Variants in WDR20 observed in about 807,000 individuals in gnomAD.
The protein encoded by WDR20 is WD repeat domain 20.
WDR20 carries 3 observed loss-of-function variants against 38.7 expected under a neutral mutation model. The ratio of observed to expected loss-of-function variants is 0.08; its 90% CI spans 0.04 to 0.20. WDR20 has a LOEUF of 0.20. Ranked by LOEUF, WDR20 falls within the 10% of genes least tolerant of loss-of-function variation. The pLI is 1.00. For missense variants in WDR20, 559 were observed against 727.7 expected, an observed-to-expected ratio of 0.77 and a Z score of 2.67; for synonymous variants, 298 against 285.6, an observed-to-expected ratio of 1.04 and a Z score of -0.44.
chr14:102,195,138 T>C lies in WDR20; in HGVS notation c.432+18T>C. On this transcript the variant is annotated intron_variant, in intron 2 of 2. Transcript: ENST00000342702. ...ATGAGGAAGTAAGTAGCACCCTGTC[T>C]TAGCTGTTAAGAATCCCTTTAAGAG... 2 of 1,612,204 alleles carry C rather than the reference T, an allele frequency of 1.2e-6. No individual in the cohort carries two copies. The highest frequency in any genetic ancestry group is 1.7e-6 in the Non-Finnish European group (2 of 1,179,156).
At chr14:102,142,711 C>G (rs2051804915) in intron 1 of WDR20, among the ~76,000 whole-genome samples, 1 of 150,240 alleles carries the variant, frequency 6.7e-6, no homozygotes, top group Admixed American at 6.7e-5. Context: ...CCACCTCAGC[C>G]TGCTAAAGTG....
chr14:102,218,979 A>G (rs1194029641), downstream of WDR20, among the ~76,000 whole-genome samples: 2 of 152,190 alleles, frequency 1.3e-5, no homozygotes, highest in African/African-American at 2.4e-5. Context: ...AAAAGGAAGC[A>G]GAAGGACAGG....
At chr14:102,149,079 T>A (rs961229847) in intron 1 of WDR20, among the ~76,000 whole-genome samples, 13 of 152,286 alleles carry the variant, frequency 8.5e-5, no homozygotes, top group Non-Finnish European at 1.6e-4. Flanking sequence ...AGGAGAATAC[T>A]TGAACCCGGG....
chr14:102,156,698 C>T (rs2057472919), intron 1 of WDR20, among the ~76,000 whole-genome samples: 2 of 151,630 alleles, frequency 1.3e-5, no homozygotes, highest in Non-Finnish European at 2.9e-5. Flanking sequence ...TAGATTTATG[C>T]ATTTAAAAAC....
intron 1 of WDR20, among the ~76,000 whole-genome samples, chr14:102,173,638 CT>C (rs1451575930): frequency 6.6e-6 from 1 of 151,746 alleles, no homozygotes; most frequent in Non-Finnish European, 1.5e-5. Context: ...ACCCTTCCCC[CT>C]GCGTCCCCAA....
At position 102,184,869 on chromosome 14, in the gene WDR20, G is replaced by A. The variant is rs189106645; in HGVS notation, c.250-10069G>A. Among the ~76,000 whole-genome samples, 411 of 152,232 alleles carry A rather than the reference G, an allele frequency of 2.7e-3. 1 individual carries two copies. The highest frequency in any genetic ancestry group is 5.0e-3 in the Non-Finnish European group (337 of 68,032). On this transcript the variant is annotated intron_variant, in intron 1 of 2. Transcript: ENST00000342702. ...AAACGCAGCCCCTTGAACGTGGTTG[G>A]CCGGGGCTCATTCCAGGTCAGAGCC...
chr14:102,161,178 TCTCA>T (rs1354086121), intron 1 of WDR20, among the ~76,000 whole-genome samples: 2 of 110,238 alleles, frequency 1.8e-5, no homozygotes, highest in Non-Finnish European at 1.8e-5. Context: ...TGAGGCAGAG[TCTCA>T]CTCAGTCGCC....
At chr14:102,151,218 T>C (rs114373062) in intron 1 of WDR20, among the ~76,000 whole-genome samples, 2,203 of 146,666 alleles carry the variant, frequency 0.015, 24 homozygotes, top group African/African-American at 0.032. Context: ...GAGATTGTAG[T>C]GTGTCCACGG....
chr14:102,186,717 C>T (rs1208083352), intron 1 of WDR20, among the ~76,000 whole-genome samples: 1 of 151,864 alleles, frequency 6.6e-6, no homozygotes, highest in African/African-American at 2.4e-5. Context: ...TTTGGGAGGC[C>T]GAGGCAGGCG....
chr14:102,185,484 C>T (rs1308316852), intron 1 of WDR20, among the ~76,000 whole-genome samples: 3 of 152,038 alleles, frequency 2.0e-5, no homozygotes, highest in African/African-American at 2.4e-5. Context: ...CAGCAGTAGA[C>T]GGCGGTGCAG....
intron 1 of WDR20, among the ~76,000 whole-genome samples, chr14:102,189,339 CA>C (rs1566973123): frequency 1.3e-5 from 2 of 152,154 alleles, no homozygotes; most frequent in South Asian, 4.1e-4. Context: ...TTAAAACTAT[CA>C]CTTAAAATTT....
intron 1 of WDR20, among the ~76,000 whole-genome samples, chr14:102,192,586 A>G (rs1379745679): frequency 1.3e-5 from 2 of 152,202 alleles, no homozygotes; most frequent in Non-Finnish European, 2.9e-5. Flanking sequence ...AAATATACCA[A>G]TAACTGAAGC....
exon 4 of WDR20, chr14:102,223,606 T>A (rs556604987): frequency 2.0e-5 from 3 of 152,778 alleles, no homozygotes; most frequent in Admixed American, 1.3e-4. Context: ...ACTTCACTAG[T>A]AATTTTCATC....
chr14:102,189,103 G>T (rs1369059940), intron 1 of WDR20, among the ~76,000 whole-genome samples: 1 of 151,900 alleles, frequency 6.6e-6, no homozygotes, highest in Non-Finnish European at 1.5e-5. Context: ...CCAGCTACTC[G>T]GGGGGCTGAG....
At chr14:102,192,559 G>A (rs1353047747) in intron 1 of WDR20, among the ~76,000 whole-genome samples, 1 of 152,122 alleles carries the variant, frequency 6.6e-6, no homozygotes, top group South Asian at 2.1e-4. Flanking sequence ...GTTCCATATT[G>A]GGAGGCAGGG....
At chr14:102,186,544 C>T (rs887965736) in intron 1 of WDR20, among the ~76,000 whole-genome samples, 2 of 152,024 alleles carry the variant, frequency 1.3e-5, no homozygotes, top group Admixed American at 6.6e-5. Context: ...CCCCACAACA[C>T]CCCCCTCCGG....
intron 1 of WDR20, among the ~76,000 whole-genome samples, chr14:102,190,474 T>C (rs2066056975): frequency 6.6e-6 from 1 of 151,898 alleles, no homozygotes; most frequent in African/African-American, 2.4e-5. Context: ...GCGCCTTTAA[T>C]CCCAGCTACT....
chr14:102,211,750 A>T (rs2062569113), downstream of WDR20, among the ~76,000 whole-genome samples: 1 of 152,240 alleles, frequency 6.6e-6, no homozygotes, highest in African/African-American at 2.4e-5. This position sits in a 1 kb window ranked among gnomAD's most constrained non-coding sequence, Gnocchi z 4.2. Flanking sequence ...TCCATGTGCA[A>T]CTTTTGCACC....
chr14:102,186,842 C>T (rs1016532117), intron 1 of WDR20, among the ~76,000 whole-genome samples: 3 of 151,616 alleles, frequency 2.0e-5, no homozygotes, highest in African/African-American at 7.3e-5. Flanking sequence ...CCCAGCTACT[C>T]GGGAGGCTGA....
Sources: gnomAD v4.1 joint callset for allele counts (sites outside exome capture counted in the v4.1 genomes callset) on GRCh38, gnomAD v4.1.1 for gene constraint, Gnocchi (gnomAD v3.1) non-coding constraint, MANE v1.5 for transcripts, NCBI Gene and HGNC (gene_info 2026-07-23, HGNC 2026-07-21) for gene names.